Variants in RAD51B observed in about 807,000 individuals in gnomAD.
The protein encoded by RAD51B is RAD51 paralog B.
RAD51B carries 38 observed loss-of-function variants against 42.2 expected under a neutral mutation model. The observed-to-expected ratio is 0.90, with a 90% CI of 0.70 to 1.18. The LOEUF (loss-of-function observed/expected upper bound fraction) is 1.18, where lower values mean the gene tolerates loss of function less well. RAD51B is among the 50% of genes most tolerant of loss of function. The pLI is 0.00. For synonymous variants in RAD51B, 154 were observed against 145.2 expected, an observed-to-expected ratio of 1.06 and a Z score of -0.43; for missense variants, 373 against 400.7, an observed-to-expected ratio of 0.93 and a Z score of 0.59.
chr14:68,524,729 A>C (rs1321272096), intron 10 of RAD51B, among the ~76,000 whole-genome samples: 1 of 152,230 alleles, frequency 6.6e-6, no homozygotes. Context: ...AGGTTCTGAC[A>C]GGGAGCAGAA....
rs745794650 is a variant in RAD51B, at chr14:68,124,998, G to A, written c.757-166886G>A. The A allele has an allele frequency of 6.6e-5, 10 of 151,886 alleles. No homozygotes were observed. The East Asian group carries it at 1.7e-3, about 26-fold the overall frequency. 9.4% of individuals were successfully genotyped at this position (151,886 alleles called of 1,614,324 possible). A position where few individuals can be genotyped will look rare whatever the true frequency, so the allele number is the denominator to read the frequency against. The stretch of plus-strand genomic sequence containing the variant: ...TTTCTCAAGCTCTCATGAGAAACAG[G>A]TGACGAAGTGAAATTTTCCTGCATA... On this transcript the variant is annotated intron_variant, in intron 7 of 10. Coordinates refer to ENST00000471583, the MANE Select transcript of RAD51B (RefSeq NM_133510.4).
chr14:68,292,006 GAA>G, intron 8 of RAD51B, 26 bp downstream of exon 8: 1 of 1,570,092 alleles, frequency 6.4e-7, no homozygotes, highest in Non-Finnish European at 8.8e-7. Context: ...TGGAGAGGCT[GAA>G]ACTTGACACT....
intron 7 of RAD51B, among the ~76,000 whole-genome samples, chr14:67,951,532 T>G (rs2074447887): frequency 6.6e-6 from 1 of 152,180 alleles, no homozygotes; most frequent in Non-Finnish European, 1.5e-5. Flanking sequence ...AGAGTAACAG[T>G]ATAGTTAAAA....
chr14:68,502,076 A>G (rs1030756085), intron 10 of RAD51B, among the ~76,000 whole-genome samples: 12 of 152,226 alleles, frequency 7.9e-5, no homozygotes, highest in Admixed American at 2.0e-4. Flanking sequence ...AGGAGCCTCA[A>G]TGGGAGGGGA....
At chr14:68,542,907 A>T (rs974359021) in intron 10 of RAD51B, among the ~76,000 whole-genome samples, 11 of 152,138 alleles carry the variant, frequency 7.2e-5, no homozygotes, top group Non-Finnish European at 1.5e-4. Flanking sequence ...TACCAAGGAG[A>T]CATCCCATTG....
chr14:68,152,575 C>T (rs995351069), intron 7 of RAD51B, among the ~76,000 whole-genome samples: 1 of 151,994 alleles, frequency 6.6e-6, no homozygotes, highest in Admixed American at 6.6e-5. Flanking sequence ...TTTGTTTTTG[C>T]TTTTTTAACT....
At chr14:68,638,180 AACTC>A (rs1290891558) in intron 10 of RAD51B, among the ~76,000 whole-genome samples, 25 of 152,356 alleles carry the variant, frequency 1.6e-4, no homozygotes, top group African/African-American at 5.8e-4. Flanking sequence ...CTGACATCCT[AACTC>A]ACACATTCAC....
chr14:68,117,973 C>T (rs1413143938), intron 7 of RAD51B, among the ~76,000 whole-genome samples: 2 of 152,154 alleles, frequency 1.3e-5, no homozygotes, highest in Non-Finnish European at 2.9e-5. Context: ...TTTAAATCAA[C>T]CCCTCCCCTG....
At chr14:68,118,939 A>T (rs543836495) in intron 7 of RAD51B, among the ~76,000 whole-genome samples, 1 of 151,928 alleles carries the variant, frequency 6.6e-6, no homozygotes, top group Non-Finnish European at 1.5e-5. Context: ...CTTCAAATGC[A>T]GGGGAACCGC....
intron 8 of RAD51B, among the ~76,000 whole-genome samples, chr14:68,364,053 G>T (rs1033237183): frequency 3.3e-5 from 5 of 152,224 alleles, no homozygotes; most frequent in African/African-American, 1.2e-4. Context: ...GGCGAAGGAA[G>T]TATCTGCTGC....
At chr14:67,839,600 T>C (rs1355311699) in intron 4 of RAD51B, among the ~76,000 whole-genome samples, 1 of 152,120 alleles carries the variant, frequency 6.6e-6, no homozygotes, top group African/African-American at 2.4e-5. Context: ...AGTTTGAGTA[T>C]GTATGTCATC....
At chr14:68,649,117 A>T (rs1892646328) in intron 10 of RAD51B, among the ~76,000 whole-genome samples, 1 of 152,160 alleles carries the variant, frequency 6.6e-6, no homozygotes, top group South Asian at 2.1e-4. Context: ...AGTTACAGAA[A>T]TTGGATTCCT....
At chr14:68,628,787 C>T (rs4902620) in intron 10 of RAD51B, among the ~76,000 whole-genome samples, 1 of 151,932 alleles carries the variant, frequency 6.6e-6, no homozygotes, top group Non-Finnish European at 1.5e-5. Flanking sequence ...CAGTGTACAG[C>T]CCGTTTCCAA....
At chr14:68,302,035 A>G (rs1184213330) in intron 8 of RAD51B, among the ~76,000 whole-genome samples, 1 of 152,260 alleles carries the variant, frequency 6.6e-6, no homozygotes, top group Non-Finnish European at 1.5e-5. Context: ...GGCAATAGGC[A>G]ATTCAGGGAA....
chr14:68,658,020 G>A (rs914656623), intron 11 of RAD51B, among the ~76,000 whole-genome samples: 1 of 152,228 alleles, frequency 6.6e-6, no homozygotes. Flanking sequence ...ATTTGCCTGA[G>A]TGACAGCTCC....
chr14:68,034,704 A>C (rs1336882354), intron 7 of RAD51B, among the ~76,000 whole-genome samples: 1 of 152,200 alleles, frequency 6.6e-6, no homozygotes, highest in African/African-American at 2.4e-5. Flanking sequence ...AGGCAGATAC[A>C]AATACCACTT....
intron 7 of RAD51B, among the ~76,000 whole-genome samples, chr14:68,001,234 A>G (rs1018915349): frequency 1.3e-5 from 2 of 152,068 alleles, no homozygotes; most frequent in Non-Finnish European, 1.5e-5. Context: ...TTTTCTATGG[A>G]ATCATATATG....
intron 7 of RAD51B, among the ~76,000 whole-genome samples, chr14:67,949,641 A>G (rs2074406353): frequency 6.6e-6 from 1 of 152,242 alleles, no homozygotes; most frequent in South Asian, 2.1e-4. Context: ...AATGGCATCT[A>G]GAATGGTAAA....
intron 7 of RAD51B, among the ~76,000 whole-genome samples, chr14:67,982,168 C>T (rs929672046): frequency 4.6e-5 from 7 of 152,160 alleles, no homozygotes; most frequent in Non-Finnish European, 8.8e-5. Context: ...CTCCTGACCT[C>T]AGGTGATTCA....
Sources: gnomAD v4.1 joint callset for allele counts (sites outside exome capture counted in the v4.1 genomes callset) on GRCh38, gnomAD v4.1.1 for gene constraint, MANE v1.5 for transcripts, NCBI Gene and HGNC (gene_info 2026-07-23, HGNC 2026-07-21) for gene names.